The following GARRE1 variants were observed in gnomAD, a reference collection of about 807,000 sequenced individuals.
GARRE1 encodes the protein granule associated Rac and RHOG effector 1.
A neutral mutation model predicts 103.2 loss-of-function variants in GARRE1; 49 were observed. The observed-to-expected ratio is 0.47, with a 90% confidence interval of 0.38 to 0.60. The LOEUF is 0.60. Ranked by LOEUF, GARRE1 falls within the 20% of genes least tolerant of loss-of-function variation. The pLI, the probability that GARRE1 is intolerant of heterozygous loss-of-function variation, is 0.00. For synonymous variants in GARRE1, 505 were observed against 532.8 expected (o/e 0.95, Z 0.72); for missense variants, 1,199 against 1,370.5 (o/e 0.87, Z 1.98).
At chr19:34,322,747 C>G (rs1257192421) in intron 3 of GARRE1, among the ~76,000 whole-genome samples, 1 of 151,730 alleles carries the variant, frequency 6.6e-6, no homozygotes, top group Non-Finnish European at 1.5e-5. Flanking sequence ...GCCACCACGC[C>G]CAGCTAATTT....
chr19:34,274,177 G>A (rs550364333), intron 1 of GARRE1, among the ~76,000 whole-genome samples: 8 of 152,110 alleles, frequency 5.3e-5, no homozygotes, highest in South Asian at 2.1e-4. Flanking sequence ...AGGCCGCGGC[G>A]GGTGGATCAC....
Position 34,352,907 on chromosome 19 carries a change from C to T in GARRE1, c.3165C>T (p.Ala1055=). ...AHKAAPKGFK[A]FPGKGERRPA... ...AGGCAGCACCCAAGGGCTTCAAGGC[C>T]TTCCCTGGGAAGGGTGAGCGCAGGC... The change falls in exon 14 of 14, where the codon GCC becomes GCT. Residue 1055 remains alanine, a synonymous_variant. Transcript: ENST00000299505. 1 of 1,580,800 alleles carries T rather than the reference C, an allele frequency of 6.3e-7. No homozygotes were observed. Among genetic ancestry groups the T allele is most frequent in the Non-Finnish European group, 8.6e-7 (1 of 1,162,856 alleles).
At chr19:34,278,848 T>A (rs759461526) in intron 1 of GARRE1, among the ~76,000 whole-genome samples, 2 of 152,018 alleles carry the variant, frequency 1.3e-5, no homozygotes, top group Admixed American at 1.3e-4. Flanking sequence ...ATTTTTAAAT[T>A]TTTTGTAGAG....
chr19:34,296,110 T>G (rs1471979712), intron 1 of GARRE1, among the ~76,000 whole-genome samples: 1 of 151,922 alleles, frequency 6.6e-6, no homozygotes, highest in Non-Finnish European at 1.5e-5. Context: ...TTTTACAACA[T>G]TTTTTCTTTC....
chr19:34,301,535 A>AG (rs1568535951), intron 2 of GARRE1, among the ~76,000 whole-genome samples: 4 of 140,056 alleles, frequency 2.9e-5, no homozygotes, highest in Admixed American at 7.7e-5. Context: ...AAAAAAAAAA[A>AG]AAAGAAAAAT....
chr19:34,307,229 A>G (rs1459461116), intron 2 of GARRE1, among the ~76,000 whole-genome samples: 1 of 152,026 alleles, frequency 6.6e-6, no homozygotes, highest in Non-Finnish European at 1.5e-5. Flanking sequence ...AGGGCAGGGG[A>G]TGGGAGGGCA....
At chr19:34,257,160 CTTT>C (rs71165639) in intron 1 of GARRE1, among the ~76,000 whole-genome samples, 31 of 149,874 alleles carry the variant, frequency 2.1e-4, no homozygotes, top group South Asian at 2.1e-4. Context: ...TTTAAGCATC[CTTT>C]TTTTTTTTTT....
chr19:34,263,500 CAG>C (rs1390751176), intron 1 of GARRE1, among the ~76,000 whole-genome samples: 1 of 147,224 alleles, frequency 6.8e-6, no homozygotes. Flanking sequence ...TTTTTTGAGA[CAG>C]AGTCTTGCTC....
Position 34,333,694 on chromosome 19 carries a change from T to TTC in GARRE1, c.1264-10_1264-9insTC. On this transcript the variant is annotated splice_polypyrimidine_tract_variant and intron_variant, in intron 7 of 13. Coordinates refer to ENST00000299505, the MANE Select transcript of GARRE1 (RefSeq NM_014686.5). ...TGTTATTTGTTTTTTTTTTTTTTTT[T>TTC]CGATCTTAGGTGGTGGTTGACACAG... 4.3e-6 allele frequency: 6 copies of TTC among 1,398,166 alleles called. No homozygotes were observed. In the South Asian group the frequency reaches 5.0e-5, roughly 12 times the overall value. The allele number at this position is 1,398,166 out of a possible 1,614,324, so 86.6% of individuals were successfully genotyped here.
intron 1 of GARRE1, among the ~76,000 whole-genome samples, chr19:34,278,370 G>A (rs570922302): frequency 6.8e-6 from 1 of 147,532 alleles, no homozygotes; most frequent in African/African-American, 2.5e-5. Context: ...CTTGAACCCA[G>A]GAGGCAGAGG....
rs921930658 is a variant in GARRE1 at position 34,352,938 on chromosome 19, T to C, written c.3196T>C (p.Tyr1066His). The change falls in exon 14 of 14, where the codon TAT becomes CAT. Residue 1066 changes from tyrosine to histidine, a missense_variant. Physicochemically the swap from Tyr to His is moderately conservative, Grantham distance 83. Coordinates refer to ENST00000299505, the MANE Select transcript of GARRE1 (RefSeq NM_014686.5). ...TGGGAAGGGTGAGCGCAGGCCAGCC[T>C]ATCTGCCCCAGTACTGACCCCAGGC... is the stretch of plus-strand genomic sequence containing the variant. Reference protein sequence around the residue: ...FPGKGERRPAYLPQY With the variant: ...FPGKGERRPAHLPQY The C allele has an allele frequency of 2.6e-6, 4 of 1,527,056 alleles. No individual in the cohort carries two copies. The Admixed American group carries it at 8.0e-5, about 31-fold the overall frequency. 94.6% of individuals were successfully genotyped at this position (1,527,056 alleles called of 1,614,324 possible).
chr19:34,285,273 G>A (rs889714288), intron 1 of GARRE1: 1 of 152,104 alleles, frequency 6.6e-6, no homozygotes, highest in Non-Finnish European at 1.5e-5. Flanking sequence ...CAAATGCTTA[G>A]GTAGGTATTA....
In GARRE1 at chr19:34,305,702, G is replaced by T. The variant is rs540813641; in HGVS notation, c.495+4734G>T. ...GGGCTTGGTAAGCCGCTGGGGCACA[G>T]CAGTACCTGCTTTGTTTCTTCTGCT... On this transcript the variant is annotated intron_variant, in intron 2 of 13. Coordinates refer to ENST00000299505, the MANE Select transcript of GARRE1 (RefSeq NM_014686.5). Among the ~76,000 whole-genome samples, 3 of 152,344 alleles carry T rather than the reference G, an allele frequency of 2.0e-5. No homozygotes were observed. The South Asian group carries it at 6.2e-4, about 32-fold the overall frequency.
intron 1 of GARRE1, among the ~76,000 whole-genome samples, chr19:34,296,789 C>T (rs1326475204): frequency 6.6e-6 from 1 of 152,132 alleles, no homozygotes; most frequent in East Asian, 1.9e-4. Flanking sequence ...CTGGAACCCT[C>T]ACATTTTTAT....
intron 2 of GARRE1, among the ~76,000 whole-genome samples, chr19:34,302,986 C>T (rs1047604642): frequency 6.6e-6 from 1 of 152,016 alleles, no homozygotes; most frequent in Non-Finnish European, 1.5e-5. Flanking sequence ...CTTAGGCAAT[C>T]CACCCACCTC....
At chr19:34,295,380 A>G (rs184871048) in intron 1 of GARRE1, among the ~76,000 whole-genome samples, 4 of 152,192 alleles carry the variant, frequency 2.6e-5, no homozygotes, top group Non-Finnish European at 5.9e-5. Flanking sequence ...AGGTGATTCT[A>G]TTATTTTGCC....
chr19:34,335,115 C>T lies in GARRE1; in HGVS notation c.1361+1314C>T, dbSNP rs549235603. ...GTTAAATTGTTTTAGAATAACAATA[C>T]TAAATATAGTGACAATACTAGTTTG... is the stretch of plus-strand genomic sequence containing the variant. On this transcript the variant is annotated intron_variant, in intron 8 of 13. Coordinates refer to ENST00000299505, the MANE Select transcript of GARRE1 (RefSeq NM_014686.5). Among the ~76,000 whole-genome samples the T allele has an allele frequency of 6.5e-4, 99 of 151,870 alleles. 1 individual carries two copies. Among genetic ancestry groups the T allele is most frequent in the Middle Eastern group, 6.9e-3 (2 of 290 alleles).
intron 1 of GARRE1, among the ~76,000 whole-genome samples, chr19:34,279,982 C>G (rs1295218547): frequency 1.9e-5 from 2 of 103,276 alleles, no homozygotes; most frequent in African/African-American, 1.1e-4. Flanking sequence ...GAGACTCCGT[C>G]TCAAAAAAAA....
At chr19:34,315,637 C>T (rs183683414) in intron 2 of GARRE1, among the ~76,000 whole-genome samples, 547 of 132,130 alleles carry the variant, frequency 4.1e-3, no homozygotes, top group Non-Finnish European at 6.7e-3. Context: ...CATGAACCCG[C>T]GAGGCAAAGC....
Sources: allele counts gnomAD v4.1 joint callset (sites outside exome capture counted in the v4.1 genomes callset), GRCh38; gene constraint gnomAD v4.1.1; transcripts MANE v1.5; gene names NCBI Gene and HGNC (gene_info 2026-07-23, HGNC 2026-07-21).